The following ZHX2 variants were observed in gnomAD, a reference collection of about 807,000 sequenced individuals.
ZHX2 encodes zinc fingers and homeoboxes 2.
Under a neutral mutation model 21.9 loss-of-function variants are expected in ZHX2, and 6 were observed. That is an observed-to-expected ratio of 0.27 (90% CI 0.15 to 0.54). ZHX2 has a LOEUF of 0.54. Among genes scored for constraint, ZHX2 ranks in the 20% least tolerant of loss-of-function variants. ZHX2 has a pLI of 0.95. For synonymous variants in ZHX2, 434 were observed against 437.1 expected (o/e 0.99, Z 0.09); for missense variants, 908 against 1,090.7 (o/e 0.83, Z 2.36).
chr8:122,849,536 T>C (rs1443794236), intron 1 of ZHX2, among the ~76,000 whole-genome samples: 1 of 152,148 alleles, frequency 6.6e-6, no homozygotes, highest in African/African-American at 2.4e-5. Context: ...CTCTTCTGGC[T>C]TCGGGTGCTG....
At chr8:122,941,275 CAT>C (rs1812837367) in intron 2 of ZHX2, among the ~76,000 whole-genome samples, 1 of 152,112 alleles carries the variant, frequency 6.6e-6, no homozygotes. Context: ...AAAGATTGTG[CAT>C]GTAAACAACA....
chr8:122,919,925 G>T (rs1359708026), intron 2 of ZHX2, among the ~76,000 whole-genome samples: 1 of 152,216 alleles, frequency 6.6e-6, no homozygotes, highest in Non-Finnish European at 1.5e-5. Context: ...TACACCCATA[G>T]ATAGCTGACA....
chr8:122,899,726 T>TAA (rs1820182219), intron 2 of ZHX2, among the ~76,000 whole-genome samples: 1 of 152,208 alleles, frequency 6.6e-6, no homozygotes, highest in Non-Finnish European at 1.5e-5. Context: ...TCTCCTGTCT[T>TAA]ACATGGAAAA....
Position 122,865,981 on chromosome 8 carries a change from TC to T in ZHX2, c.-220+2444del, listed in dbSNP as rs564889044. On this transcript the variant is annotated intron_variant, in intron 2 of 3. Coordinates refer to ENST00000314393, the MANE Select transcript of ZHX2 (RefSeq NM_014943.5). Reference sequence around the variant, plus strand: ...TTTCCTCCTGGCTCCCTCTGGTCCCTCCTGGTTGAAAGCGGAGGTGGCCCTG... The same window carrying T: ...TTTCCTCCTGGCTCCCTCTGGTCCCTCTGGTTGAAAGCGGAGGTGGCCCTG... Among the ~76,000 whole-genome samples, 587 of 152,248 alleles carry T rather than the reference TC, an allele frequency of 3.9e-3. 4 individuals are homozygous for T. Among genetic ancestry groups the T allele is most frequent in the African/African-American group, 0.014 (561 of 41,548 alleles).
intron 1 of ZHX2, among the ~76,000 whole-genome samples, chr8:122,783,982 A>G (rs1054219677): frequency 3.9e-5 from 6 of 152,246 alleles, no homozygotes; most frequent in African/African-American, 1.2e-4. Flanking sequence ...GCTGTCAGCT[A>G]AAGGATGCAC....
intron 2 of ZHX2, among the ~76,000 whole-genome samples, chr8:122,870,984 G>T (rs566650530): frequency 1.3e-5 from 2 of 152,190 alleles, no homozygotes; most frequent in Admixed American, 1.3e-4. Flanking sequence ...GTGGCAGGTG[G>T]TGTTGAAGGC....
chr8:122,788,610 G>A (rs1817449645), intron 1 of ZHX2, among the ~76,000 whole-genome samples: 1 of 152,094 alleles, frequency 6.6e-6, no homozygotes, highest in Non-Finnish European at 1.5e-5. Context: ...AAAGCTCAGA[G>A]GGGTTAAGTA....
At chr8:122,934,669 T>G (rs759963595) in intron 2 of ZHX2, among the ~76,000 whole-genome samples, 2 of 151,772 alleles carry the variant, frequency 1.3e-5, no homozygotes, top group Non-Finnish European at 2.9e-5. Context: ...CTTCCTTCCT[T>G]CCTGCCTTCC....
intron 1 of ZHX2, among the ~76,000 whole-genome samples, chr8:122,784,029 A>C (rs1817345884): frequency 6.6e-6 from 1 of 152,260 alleles, no homozygotes; most frequent in Non-Finnish European, 1.5e-5. Flanking sequence ...GCAAGAAACC[A>C]AGATTCTGGG....
chr8:122,928,738 G>C (rs1333029854), intron 2 of ZHX2, among the ~76,000 whole-genome samples: 1 of 152,176 alleles, frequency 6.6e-6, no homozygotes, highest in African/African-American at 2.4e-5. Flanking sequence ...GATTATAGGA[G>C]AGAAACCAAC....
intron 1 of ZHX2, among the ~76,000 whole-genome samples, chr8:122,824,413 A>G (rs73331783): frequency 0.1 from 15,758 of 152,198 alleles, 941 homozygotes; most frequent in African/African-American, 0.16. Flanking sequence ...ATATTGTCCA[A>G]TGAACCCTCA....
At chr8:122,808,592 A>G (rs1817866257) in intron 1 of ZHX2, among the ~76,000 whole-genome samples, 1 of 152,236 alleles carries the variant, frequency 6.6e-6, no homozygotes, top group African/African-American at 2.4e-5. Flanking sequence ...ATTCAAGTTG[A>G]GATTTGGGTG....
At chr8:122,843,559 G>C (rs1168760979) in intron 1 of ZHX2, among the ~76,000 whole-genome samples, 1 of 152,184 alleles carries the variant, frequency 6.6e-6, no homozygotes, top group East Asian at 1.9e-4. Context: ...GGGACCCCTC[G>C]TGTAAACAGG....
chr8:122,895,647 G>A (rs1426218697), intron 2 of ZHX2, among the ~76,000 whole-genome samples: 3 of 151,644 alleles, frequency 2.0e-5, no homozygotes, highest in Non-Finnish European at 4.4e-5. Context: ...TTATATTCTA[G>A]ATGCTGTGTT....
intron 2 of ZHX2, among the ~76,000 whole-genome samples, chr8:122,874,558 G>A (rs1354642250): frequency 6.6e-6 from 1 of 152,036 alleles, no homozygotes; most frequent in East Asian, 1.9e-4. Flanking sequence ...GTCTCGAACT[G>A]CTGACCTCAA....
chr8:122,896,074 GTCCA>G, intron 2 of ZHX2, among the ~76,000 whole-genome samples: 1 of 152,294 alleles, frequency 6.6e-6, no homozygotes, highest in Admixed American at 6.5e-5. Context: ...GAGGTGGGGA[GTCCA>G]TCCTGCCTGA....
At chr8:122,804,454 G>A (rs191211036) in intron 1 of ZHX2, among the ~76,000 whole-genome samples, 76 of 152,262 alleles carry the variant, frequency 5.0e-4, no homozygotes, top group African/African-American at 1.7e-3. Context: ...TAAGTGCTTG[G>A]TAAATGCCTG....
intron 2 of ZHX2, among the ~76,000 whole-genome samples, chr8:122,866,928 A>G (rs529154303): frequency 9.9e-5 from 15 of 151,892 alleles, no homozygotes; most frequent in Non-Finnish European, 2.2e-4. Context: ...GGGCTTGAAC[A>G]ATTCTCTTGC....
In ZHX2 at chr8:122,904,369, C is replaced by T. The variant is rs145507099; in HGVS notation, c.-220+40830C>T. Among the ~76,000 whole-genome samples the T allele has an allele frequency of 3.0e-3, 458 of 152,310 alleles. 2 individuals carry two copies. The highest frequency in any genetic ancestry group is 0.011 in the African/African-American group (447 of 41,568). ...TCCACCCTCACCACGTTATAGCAAG[C>T]CTCCCCAGTCTCCCCCTTCTTTACA... is the stretch of plus-strand genomic sequence containing the variant. On this transcript the variant is annotated intron_variant, in intron 2 of 3. Coordinates refer to ENST00000314393, the MANE Select transcript of ZHX2 (RefSeq NM_014943.5).
Sources: allele counts gnomAD v4.1 joint callset (sites outside exome capture counted in the v4.1 genomes callset), GRCh38; gene constraint gnomAD v4.1.1; transcripts MANE v1.5; gene names NCBI Gene and HGNC (gene_info 2026-07-23, HGNC 2026-07-21).